The following CHRM3 variants were observed in gnomAD, a reference collection of about 807,000 sequenced individuals.
CHRM3 encodes cholinergic receptor muscarinic 3.
In CHRM3, 11 loss-of-function variants were observed where a neutral mutation model predicts 41.8. The ratio of observed to expected loss-of-function variants is 0.26; its 90% CI spans 0.17 to 0.44. The LOEUF (loss-of-function observed/expected upper bound fraction) is 0.44. Ranked by LOEUF, CHRM3 falls within the 20% of genes least tolerant of loss-of-function variation. The pLI is 1.00. For missense variants in CHRM3, 571 were observed against 745.4 expected (o/e 0.77, Z 2.72); for synonymous variants, 297 against 301.4 (o/e 0.99, Z 0.15).
intron 2 of CHRM3, among the ~76,000 whole-genome samples, chr1:239,528,796 G>A (rs775919779): frequency 2.1e-4 from 32 of 152,102 alleles, no homozygotes; most frequent in Non-Finnish European, 3.5e-4. Flanking sequence ...GGTAGGCTGA[G>A]GCATGAGAAT....
chr1:239,562,215 G>A lies in CHRM3; in HGVS notation c.-313+16466G>A, dbSNP rs150623095. ...ACCTGATGACTTCTGAAACAAAGGG[G>A]AAGGGGAAGGGAGGCATGTGTTAGA... On this transcript the variant is annotated intron_variant, in intron 3 of 6. Coordinates refer to ENST00000676153, the MANE Select transcript of CHRM3 (RefSeq NM_001375978.1). Among the ~76,000 whole-genome samples, 505 of 152,300 alleles carry A rather than the reference G, an allele frequency of 3.3e-3. 4 individuals carry two copies. The highest frequency in any genetic ancestry group is 0.011 in the African/African-American group (463 of 41,554).
intron 5 of CHRM3, among the ~76,000 whole-genome samples, chr1:239,825,201 C>T (rs564686011): frequency 9.9e-5 from 15 of 152,136 alleles, no homozygotes; most frequent in African/African-American, 2.7e-4. Flanking sequence ...CATGGTCATT[C>T]GTATTTTATA....
chr1:239,529,322 C>T (rs1055147522), intron 2 of CHRM3, among the ~76,000 whole-genome samples: 1 of 151,806 alleles, frequency 6.6e-6, no homozygotes, highest in Non-Finnish European at 1.5e-5. Context: ...TTATAAGATG[C>T]CTTTTTGGCC....
chr1:239,483,450 G>T (rs572684762), intron 1 of CHRM3, among the ~76,000 whole-genome samples: 1 of 152,326 alleles, frequency 6.6e-6, no homozygotes, highest in Admixed American at 6.5e-5. Flanking sequence ...TCCCTATAAG[G>T]TTGAGCTCAA....
intron 1 of CHRM3, among the ~76,000 whole-genome samples, chr1:239,411,240 C>T (rs1661037447): frequency 6.6e-6 from 1 of 152,098 alleles, no homozygotes; most frequent in Admixed American, 6.6e-5. Context: ...ACTTGTGGGG[C>T]CTGCAACATG....
At chr1:239,600,267 G>T (rs1665349742) in intron 3 of CHRM3, among the ~76,000 whole-genome samples, 1 of 151,956 alleles carries the variant, frequency 6.6e-6, no homozygotes, top group Admixed American at 6.6e-5. Flanking sequence ...GGTTAGTCTT[G>T]GGGGGCCATC....
intron 5 of CHRM3, among the ~76,000 whole-genome samples, chr1:239,692,869 C>G (rs190671553): frequency 1.3e-5 from 2 of 152,238 alleles, no homozygotes; most frequent in African/African-American, 4.8e-5. Context: ...TTTAATTGTT[C>G]AAAGGACCTG....
intron 4 of CHRM3, among the ~76,000 whole-genome samples, chr1:239,673,050 C>A (rs1435594438): frequency 6.6e-6 from 1 of 152,098 alleles, no homozygotes; most frequent in Non-Finnish European, 1.5e-5. Context: ...AGAAGCAGCA[C>A]CCCCAAATTA....
intron 3 of CHRM3, among the ~76,000 whole-genome samples, chr1:239,628,860 C>G (rs2148852922): frequency 1.4e-5 from 1 of 72,978 alleles, no homozygotes; most frequent in Middle Eastern, 4.2e-3. Context: ...TCTGCCCGTT[C>G]TCAGATCTCC....
chr1:239,581,285 A>T (rs1181238080), intron 3 of CHRM3, among the ~76,000 whole-genome samples: 3 of 152,118 alleles, frequency 2.0e-5, no homozygotes, highest in Admixed American at 2.0e-4. Context: ...AAGTATCCCT[A>T]TGTTTTAAAG....
At chr1:239,775,336 A>G (rs1668007431) in intron 5 of CHRM3, among the ~76,000 whole-genome samples, 1 of 152,194 alleles carries the variant, frequency 6.6e-6, no homozygotes, top group African/African-American at 2.4e-5. Context: ...TAGCTTTTTA[A>G]GAGGTACAAG....
intron 3 of CHRM3, among the ~76,000 whole-genome samples, chr1:239,604,731 T>A (rs1282317223): frequency 6.6e-6 from 1 of 152,220 alleles, no homozygotes; most frequent in Non-Finnish European, 1.5e-5. Context: ...CTTTTAGATA[T>A]TTTCATTGTT....
intron 3 of CHRM3, among the ~76,000 whole-genome samples, chr1:239,552,072 G>A (rs565468242): frequency 2.7e-5 from 4 of 150,928 alleles, no homozygotes; most frequent in Non-Finnish European, 5.9e-5. Flanking sequence ...AAGTAACTAT[G>A]GTAATACAGC....
At chr1:239,561,636 A>G (rs1660868698) in intron 3 of CHRM3, among the ~76,000 whole-genome samples, 1 of 151,786 alleles carries the variant, frequency 6.6e-6, no homozygotes, top group Admixed American at 6.6e-5. Flanking sequence ...GATACTATCA[A>G]TATCTATAAC....
intron 4 of CHRM3, among the ~76,000 whole-genome samples, chr1:239,650,732 G>A (rs2148965630): frequency 6.6e-6 from 1 of 152,282 alleles, no homozygotes; most frequent in Non-Finnish European, 1.5e-5. Flanking sequence ...GAACATACAA[G>A]AGCAAATATC....
At chr1:239,722,212 A>G (rs1330208598) in intron 5 of CHRM3, among the ~76,000 whole-genome samples, 3 of 151,854 alleles carry the variant, frequency 2.0e-5, no homozygotes, top group African/African-American at 4.8e-5. Flanking sequence ...GGAAAATGCT[A>G]AAGGGATTGA....
At chr1:239,500,122 A>G (rs1464184108) in intron 2 of CHRM3, among the ~76,000 whole-genome samples, 1 of 152,134 alleles carries the variant, frequency 6.6e-6, no homozygotes, top group African/African-American at 2.4e-5. Flanking sequence ...GAGAGTTTTT[A>G]GCATGAAGGG....
intron 5 of CHRM3, among the ~76,000 whole-genome samples, chr1:239,774,044 T>C (rs1163374375): frequency 1.3e-5 from 2 of 152,220 alleles, no homozygotes; most frequent in East Asian, 3.8e-4. Flanking sequence ...CTTTTTGTTC[T>C]GTCTGTAATA....
At chr1:239,477,709 G>A (rs1040096794) in intron 1 of CHRM3, among the ~76,000 whole-genome samples, 9 of 152,170 alleles carry the variant, frequency 5.9e-5, no homozygotes, top group African/African-American at 1.7e-4. Flanking sequence ...GTATGAGGCC[G>A]AGGGCATGGG....
Sources: gnomAD v4.1 joint callset for allele counts (sites outside exome capture counted in the v4.1 genomes callset) on GRCh38, gnomAD v4.1.1 for gene constraint, MANE v1.5 for transcripts, NCBI Gene and HGNC (gene_info 2026-07-23, HGNC 2026-07-21) for gene names.